WDR64: variants seen among roughly 807,000 people sequenced by gnomAD.
WDR64 encodes the protein WD repeat-containing protein 64.
A neutral mutation model predicts 139.3 loss-of-function variants in WDR64; 112 were observed. That is an observed-to-expected ratio of 0.80 (90% CI 0.69 to 0.94). The LOEUF (loss-of-function observed/expected upper bound fraction) is 0.94. Among genes scored for constraint, WDR64 ranks in the 40% least tolerant of loss-of-function variants. WDR64 has a pLI of 0.00. For missense variants in WDR64, 1,206 were observed against 1,293.1 expected (o/e 0.93, Z 1.03); for synonymous variants, 444 against 437.7 (o/e 1.01, Z -0.18).
intron 8 of WDR64, among the ~76,000 whole-genome samples, chr1:241,705,570 A>AT (rs1491354982): frequency 1.4e-4 from 18 of 124,802 alleles, no homozygotes; most frequent in Non-Finnish European, 2.3e-4. Flanking sequence ...AATAATAATA[A>AT]TAATAATAAT....
At chr1:241,735,530 TC>T (rs1404986734) in intron 10 of WDR64, among the ~76,000 whole-genome samples, 31 of 118,098 alleles carry the variant, frequency 2.6e-4, no homozygotes, top group African/African-American at 1.0e-3. Flanking sequence ...TCTCTCTCTC[TC>T]TCTTTTTTTT....
At chr1:241,738,271 A>G in intron 10 of WDR64, 92 bp from the exon 11 acceptor site, 4 of 1,451,478 alleles carry the variant, frequency 2.8e-6, no homozygotes, top group Non-Finnish European at 3.7e-6. Context: ...AGTTTATAAG[A>G]GTGTATTTCA....
At chr1:241,755,861 C>G (rs1018715408) in intron 14 of WDR64, among the ~76,000 whole-genome samples, 1 of 152,156 alleles carries the variant, frequency 6.6e-6, no homozygotes, top group Non-Finnish European at 1.5e-5. Context: ...TGTCAAAGAT[C>G]AGATGGTTGT....
intron 6 of WDR64, among the ~76,000 whole-genome samples, chr1:241,681,781 G>A (rs1383867113): frequency 6.6e-6 from 1 of 151,978 alleles, no homozygotes; most frequent in Non-Finnish European, 1.5e-5. Context: ...CCACACCAAC[G>A]TCTATTATTT....
intron 14 of WDR64, 37 bp downstream of exon 14, chr1:241,749,759 CCT>C: frequency 2.6e-6 from 4 of 1,544,130 alleles, no homozygotes; most frequent in Non-Finnish European, 3.5e-6. Flanking sequence ...CTGCAGGTGC[CCT>C]TTTTGGGAAA....
rs894721053 is a variant in WDR64 at position 241,715,076 on chromosome 1, G to T, written c.1054+3195G>T. On this transcript the variant is annotated intron_variant, in intron 9 of 27. Coordinates refer to ENST00000437684, the MANE Select transcript of WDR64 (RefSeq NM_001367482.1). ...ACATTAATTGTCCACAAACCTCTAA[G>T]ACTCAAGTGAGGACATGAAGAAAAG... 4.6e-5 allele frequency among the ~76,000 whole-genome samples: 7 copies of T among 152,268 alleles called. No homozygotes were observed. The South Asian group carries it at 1.2e-3, about 27-fold the overall frequency.
chr1:241,801,105 C>T, intron 27 of WDR64, 27 bp from the exon 28 acceptor site: 8 of 1,585,014 alleles, frequency 5.0e-6, no homozygotes, highest in Non-Finnish European at 6.1e-6. Context: ...ATGCCAGTTA[C>T]TAACTGACAT....
In WDR64 at chr1:241,667,075, T is replaced by G. The variant is rs527847128; in HGVS notation, c.277-3999T>G. Among the ~76,000 whole-genome samples, 4 of 152,332 alleles carry G rather than the reference T, an allele frequency of 2.6e-5. No individual in the cohort carries two copies. The South Asian group carries it at 6.2e-4, about 24-fold the overall frequency. On this transcript the variant is annotated intron_variant, in intron 2 of 27. Transcript: ENST00000437684. ...ATTAAAATAAAGTTAAACGACTGTC[T>G]GTAAATTGCTCTTTGAGTATGGGTA... is the stretch of plus-strand genomic sequence containing the variant.
At chr1:241,793,295 G>C (rs190793444) in intron 25 of WDR64, among the ~76,000 whole-genome samples, 2 of 152,208 alleles carry the variant, frequency 1.3e-5, no homozygotes, top group East Asian at 1.9e-4. Flanking sequence ...AGATGAGCAG[G>C]AGTGAGGTGA....
chr1:241,699,107 T>G (rs1279583722), intron 8 of WDR64, among the ~76,000 whole-genome samples: 1 of 152,074 alleles, frequency 6.6e-6, no homozygotes, highest in Non-Finnish European at 1.5e-5. Context: ...TCCCACAGGG[T>G]CCCTCCTATG....
At chr1:241,793,358 A>G (rs1254252346) in intron 25 of WDR64, among the ~76,000 whole-genome samples, 1 of 152,134 alleles carries the variant, frequency 6.6e-6, no homozygotes, top group African/African-American at 2.4e-5. Flanking sequence ...CCAGTTTGTA[A>G]AACACGGCAG....
chr1:241,743,311 T>C (rs1243277834), intron 12 of WDR64, among the ~76,000 whole-genome samples: 1 of 152,090 alleles, frequency 6.6e-6, no homozygotes, highest in Non-Finnish European at 1.5e-5. Flanking sequence ...TGAGACCCAT[T>C]CATGCAATGA....
rs35616829 is a variant in WDR64, at chr1:241,703,460, G to GTTTT, written c.975-8331_975-8328dup. Among the ~76,000 whole-genome samples the GTTTT allele has an allele frequency of 6.9e-6, 1 of 143,988 alleles. No homozygotes were observed. The highest frequency in any genetic ancestry group is 1.5e-5 in the Non-Finnish European group (1 of 65,654). 94.5% of individuals were successfully genotyped at this position (143,988 alleles called of 152,430 possible). A position where few individuals can be genotyped will look rare whatever the true frequency, so the allele number is the denominator to read the frequency against. ...TTTTGATAGGGGACTCTATCAAAAA[G>GTTTT]TTTTTTTTTTTTTTCTGTTTTGAAG... On this transcript the variant is annotated intron_variant, in intron 8 of 27. Coordinates refer to ENST00000437684, the MANE Select transcript of WDR64 (RefSeq NM_001367482.1). The surrounding 1 kb of genome is among the most constrained non-coding windows in gnomAD (Gnocchi z 5.9).
chr1:241,778,868 C>T (rs540380228), intron 21 of WDR64, among the ~76,000 whole-genome samples: 1 of 152,176 alleles, frequency 6.6e-6, no homozygotes, highest in East Asian at 1.9e-4. Flanking sequence ...TTATCAAATA[C>T]ATTGTTGCTA....
chr1:241,790,718 AAAAG>A, intron 25 of WDR64, 22 bp downstream of exon 25: 3 of 1,522,220 alleles, frequency 2.0e-6, no homozygotes, highest in Non-Finnish European at 2.7e-6. Flanking sequence ...AAAAAAAAAA[AAAAG>A]AAATGGCAAC....
At chr1:241,675,649 C>T (rs780069757) in intron 4 of WDR64, among the ~76,000 whole-genome samples, 16 of 152,204 alleles carry the variant, frequency 1.1e-4, no homozygotes, top group African/African-American at 3.4e-4. Context: ...CTCAAATTCT[C>T]GCCCTACTGT....
chr1:241,790,295 G>A (rs1659174133), intron 24 of WDR64, among the ~76,000 whole-genome samples: 1 of 152,172 alleles, frequency 6.6e-6, no homozygotes, highest in African/African-American at 2.4e-5. Context: ...AGGTTGCAGT[G>A]AGCCGAGATT....
chr1:241,754,115 G>A (rs1028366335), intron 14 of WDR64, among the ~76,000 whole-genome samples: 2 of 151,840 alleles, frequency 1.3e-5, no homozygotes, highest in Non-Finnish European at 1.5e-5. Context: ...CAGATGGCTC[G>A]CAGACACATG....
At chr1:241,711,515 C>G (rs1413211677) in intron 8 of WDR64, among the ~76,000 whole-genome samples, 1 of 152,176 alleles carries the variant, frequency 6.6e-6, no homozygotes, top group Non-Finnish European at 1.5e-5. Flanking sequence ...GACCTTATAA[C>G]AGGTCGGCCC....
Sources: gnomAD v4.1 joint callset for allele counts (sites outside exome capture counted in the v4.1 genomes callset) on GRCh38, gnomAD v4.1.1 for gene constraint, Gnocchi (gnomAD v3.1) non-coding constraint, MANE v1.5 for transcripts, NCBI Gene and HGNC (gene_info 2026-07-23, HGNC 2026-07-21) for gene names.